DNAH10: variants seen among roughly 807,000 people sequenced by gnomAD.
DNAH10 encodes dynein axonemal heavy chain 10, also known as axonemal beta dynein heavy chain 10.
Under a neutral mutation model 506.6 loss-of-function variants are expected in DNAH10, and 348 were observed. The ratio of observed to expected loss-of-function variants is 0.69; its 90% CI spans 0.63 to 0.75. DNAH10 has a LOEUF of 0.75. Among genes scored for constraint, DNAH10 ranks in the 30% least tolerant of loss-of-function variants. The pLI, the probability that DNAH10 is intolerant of heterozygous loss-of-function variation, is 0.00. For missense variants in DNAH10, 5,179 were observed against 5,787.1 expected, an observed-to-expected ratio of 0.89 and a Z score of 3.41; for synonymous variants, 2,059 against 2,198.6, an observed-to-expected ratio of 0.94 and a Z score of 1.78.
Position 123,881,751 on chromosome 12 carries a change from G to A in DNAH10, c.8761G>A (p.Gly2921Arg), listed in dbSNP as rs987950243. The change falls in exon 51 of 79, where the codon GGG becomes AGG. Residue 2921 changes from glycine to arginine, a missense_variant. Physicochemically the swap from Gly to Arg is moderately radical, Grantham distance 125. Transcript: ENST00000673944. ...GGACCGCGGCCACGCCCTGCTGGTC[G>A]GGGTAGGGGGCTCAGGGAAGCAGTC... ...RMDRGHALLV[G>R]VGGSGKQSLS... 7 of 1,538,404 alleles carry A rather than the reference G, an allele frequency of 4.6e-6. No individual in the cohort carries two copies. Among genetic ancestry groups the A allele is most frequent in the East Asian group, 2.5e-5 (1 of 40,754 alleles).
At chr12:123,841,879 T>C (rs1249432820) in intron 30 of DNAH10, among the ~76,000 whole-genome samples, 2 of 152,122 alleles carry the variant, frequency 1.3e-5, no homozygotes, top group African/African-American at 2.4e-5. Context: ...AGAGAGGGAG[T>C]CTCACTGTGT....
Position 123,838,582 on chromosome 12 carries a change from G to C in DNAH10, c.5029G>C (p.Asp1677His). ...KCQKSLNDYL[D>H]SKRNAFPRFF... ...CCAGAAAAGCCTCAACGACTACTTA[G>C]ATTCGAAGAGAAATGCTTTCCCAAG... The change falls in exon 29 of 79, where the codon GAT (aspartate) becomes CAT (histidine). Residue 1677 changes from aspartate to histidine, a missense_variant. This residue lies in a region of DNAH10 where 4,844 missense variants were observed against 5,430.5 expected (regional missense o/e 0.89). Transcript: ENST00000673944. 6.2e-7 allele frequency: 1 copy of C among 1,614,046 alleles called. No homozygotes were observed. Among genetic ancestry groups the C allele is most frequent in the Admixed American group, 1.7e-5 (1 of 60,026 alleles).
rs147457213 is a variant in DNAH10 at position 123,772,914 on chromosome 12, C to T, written c.477C>T (p.Asn159=). 1,432 of 1,612,744 alleles carry T rather than the reference C, an allele frequency of 8.9e-4. 11 individuals are homozygous for T. In the African/African-American group the frequency reaches 0.016, roughly 18 times the overall value. The change falls in exon 4 of 79, where the codon AAC becomes AAT. Residue 159 remains asparagine (N), a synonymous_variant. Transcript: ENST00000673944. Reference sequence around the variant, plus strand: ...TTCCCGAGGAGTTCCTGGACCAAAACGTGGTGTTTTTCCTCAGAAATACCA... The same window carrying T: ...TTCCCGAGGAGTTCCTGGACCAAAATGTGGTGTTTTTCCTCAGAAATACCA... ...TPLPEEFLDQ[N]VVFFLRNTKE...
intron 21 of DNAH10, among the ~76,000 whole-genome samples, chr12:123,817,879 A>G (rs1459069594): frequency 6.6e-6 from 1 of 152,136 alleles, no homozygotes; most frequent in African/African-American, 2.4e-5. Context: ...ATCAGAGATT[A>G]AGTTGATTTG....
Position 123,790,321 on chromosome 12 carries a change from C to T in DNAH10, c.1815+200C>T, listed in dbSNP as rs534818144. ...TTCCTCCATCTTCTTTGTCCTCACA[C>T]CCATTCTCCAGGTGGGATAAGTTTA... On this transcript the variant is annotated intron_variant, in intron 11 of 78. Coordinates refer to ENST00000673944, the MANE Select transcript of DNAH10 (RefSeq NM_001372106.1). Among the ~76,000 whole-genome samples, 153 of 152,298 alleles carry T rather than the reference C, an allele frequency of 1.0e-3. 2 individuals carry two copies. Among genetic ancestry groups the T allele is most frequent in the African/African-American group, 3.3e-3 (139 of 41,544 alleles).
At position 123,873,541 on chromosome 12, in the gene DNAH10, A is replaced by C; in HGVS notation, c.7786-17A>C. ...GGGGAAAAAGCTGGCTTTTCACATC[A>C]TCTCTTTCTGCTTCAGATTGTGTTA... On this transcript the variant is annotated splice_polypyrimidine_tract_variant and intron_variant, in intron 45 of 78. Transcript: ENST00000673944. 6.3e-7 allele frequency: 1 copy of C among 1,591,678 alleles called. No individual in the cohort carries two copies. The highest frequency in any genetic ancestry group is 1.2e-5 in the South Asian group (1 of 86,896).
chr12:123,851,102 C>T (rs776760738), intron 35 of DNAH10, 26 bp downstream of exon 35: 39 of 1,573,672 alleles, frequency 2.5e-5, no homozygotes, highest in Non-Finnish European at 2.9e-5. Context: ...AGCGCCAGGT[C>T]GTGCAGTGCA....
At chr12:123,796,858 T>C (rs376105717) in intron 13 of DNAH10, 26 bp downstream of exon 13, 4 of 1,547,824 alleles carry the variant, frequency 2.6e-6, no homozygotes, top group Non-Finnish European at 2.6e-6. Flanking sequence ...TAGAATTGGC[T>C]CCTTTTGTAT....
intron 18 of DNAH10, among the ~76,000 whole-genome samples, chr12:123,807,025 C>T (rs1286964553): frequency 6.6e-6 from 1 of 152,194 alleles, no homozygotes; most frequent in African/African-American, 2.4e-5. Context: ...GCCTTGGCCT[C>T]CCAAAGTTCT....
At chr12:123,776,580 G>A (rs1318955468) in intron 5 of DNAH10, among the ~76,000 whole-genome samples, 4 of 151,496 alleles carry the variant, frequency 2.6e-5, no homozygotes, top group Non-Finnish European at 4.4e-5. Flanking sequence ...AGGTTGCAGA[G>A]TATGGTGGTC....
chr12:123,857,381 TA>T, intron 37 of DNAH10, 134 bp downstream of exon 37: 1 of 779,754 alleles, frequency 1.3e-6, no homozygotes, highest in Non-Finnish European at 1.9e-6. Context: ...TCCCCATTTT[TA>T]AATCACAGTA....
In DNAH10 at chr12:123,875,295, T is replaced by A; in HGVS notation, c.8003T>A (p.Leu2668Ter). ...LLKLLLEKGY[L>*]YDRGKELNCK... ...AAGCTGCTGTTGGAAAAAGGCTACT[T>A]ATATGACCGTGGGAAGGAGCTGAAC... is the stretch of plus-strand genomic sequence containing the variant. The change falls in exon 47 of 79, where the codon TTA becomes TAA. Residue 2668 changes from leucine to a stop codon, truncating the protein, a stop_gained. Coordinates refer to ENST00000673944, the MANE Select transcript of DNAH10 (RefSeq NM_001372106.1). LOFTEE classifies it high-confidence loss of function. 1 of 1,613,308 alleles carries A rather than the reference T, an allele frequency of 6.2e-7. No homozygotes were observed. The highest frequency in any genetic ancestry group is 8.5e-7 in the Non-Finnish European group (1 of 1,179,560).
At position 123,838,507 on chromosome 12, in the gene DNAH10, C is replaced by A. The variant is rs771498125; in HGVS notation, c.4954C>A (p.Pro1652Thr). The A allele has an allele frequency of 1.6e-5, 26 of 1,613,832 alleles. 1 individual carries two copies. In the East Asian group the frequency reaches 2.2e-4, roughly 14 times the overall value. Residue 1652 changes from proline (P) to threonine (T), a missense_variant, in exon 29 of 79, where the codon CCA (proline) becomes ACA (threonine). Pro to Thr is a conservative substitution (Grantham distance 38, BLOSUM62 -1). Transcript: ENST00000673944. ...DPVIKRCCEA[P>T]NRLSDLQNVS... is the part of the protein sequence containing the mutation. ...CGTGATCAAGAGGTGCTGTGAAGCC[C>A]CAAACCGCCTCAGTGACCTACAGAA...
intron 39 of DNAH10, among the ~76,000 whole-genome samples, chr12:123,862,113 G>A (rs1264367619): frequency 1.3e-5 from 2 of 152,140 alleles, no homozygotes; most frequent in Non-Finnish European, 2.9e-5. Context: ...GTCCTTCTCC[G>A]CATCTCATCA....
intron 66 of DNAH10, chr12:123,924,069 C>T (rs970200230): frequency 2.0e-5 from 15 of 749,442 alleles, no homozygotes; most frequent in Admixed American, 1.5e-4. Flanking sequence ...GCCTCTGTCT[C>T]GGGGCCATCC....
At chr12:123,905,672 G>A (rs1327550421) in intron 57 of DNAH10, among the ~76,000 whole-genome samples, 10 of 151,412 alleles carry the variant, frequency 6.6e-5, no homozygotes. Context: ...AGAGTTATGT[G>A]TATTTCCTTT....
At chr12:123,807,425 C>T (rs1017043466) in intron 18 of DNAH10, among the ~76,000 whole-genome samples, 4 of 152,146 alleles carry the variant, frequency 2.6e-5, no homozygotes, top group Non-Finnish European at 5.9e-5. Flanking sequence ...GGAGATGCTG[C>T]TGTAATTGGG....
intron 2 of DNAH10, among the ~76,000 whole-genome samples, chr12:123,768,402 T>G (rs1225446378): frequency 1.3e-5 from 2 of 152,184 alleles, no homozygotes; most frequent in African/African-American, 4.8e-5. Flanking sequence ...CCCAAAGTGC[T>G]GGGATTACAG....
intron 12 of DNAH10, among the ~76,000 whole-genome samples, chr12:123,795,199 G>C (rs993935047): frequency 2.0e-5 from 3 of 149,898 alleles, no homozygotes; most frequent in African/African-American, 7.4e-5. Flanking sequence ...TTATGTAGAA[G>C]ACAAAATGAG....
Sources: allele counts gnomAD v4.1 joint callset (sites outside exome capture counted in the v4.1 genomes callset), GRCh38; gene constraint gnomAD v4.1.1; regional missense constraint gnomAD v4.1.1; transcripts MANE v1.5; gene names NCBI Gene and HGNC (gene_info 2026-07-23, HGNC 2026-07-21).